ITGAM: variants seen among roughly 807,000 people sequenced by gnomAD.
The protein encoded by ITGAM is integrin alpha-M.
Under a neutral mutation model 137.5 loss-of-function variants are expected in ITGAM, and 79 were observed. The observed-to-expected ratio is 0.57, with a 90% CI of 0.48 to 0.69. The LOEUF is 0.69. Ranked by LOEUF, ITGAM falls within the 30% of genes least tolerant of loss-of-function variation. The probability of loss-of-function intolerance (pLI) is 0.00; values close to 1 mark genes in which losing one functional copy is unlikely to be tolerated. For synonymous variants in ITGAM, 583 were observed against 592.3 expected (o/e 0.98, Z 0.23); for missense variants, 1,343 against 1,483.5 (o/e 0.91, Z 1.56).
chr16:31,291,729 TA>T (rs969914750), intron 12 of ITGAM, among the ~76,000 whole-genome samples: 4 of 150,364 alleles, frequency 2.7e-5, no homozygotes, highest in African/African-American at 7.3e-5. Flanking sequence ...GTGTAGGAGC[TA>T]AAAAAAAATG....
chr16:31,331,893 ACATGTGTGCGTGTGCGTG>A lies in ITGAM; in HGVS notation c.*193_*210del, dbSNP rs1024556766. 2.2e-5 allele frequency: 12 copies of A among 552,342 alleles called. No homozygotes were observed. Among genetic ancestry groups the A allele is most frequent in the Non-Finnish European group, 3.5e-5 (11 of 313,946 alleles). The allele number at this position is 552,342 out of a possible 1,614,324, so 34.2% of individuals were successfully genotyped here. ...CAAGTGTCTGTGTGCAAGTGTGTGC[ACATGTGTGCGTGTGCGTG>A]CATGTGCACTTGCACGCCCATGTGT... On this transcript the variant is annotated 3_prime_UTR_variant, in exon 30 of 30. Transcript: ENST00000544665.
intron 23 of ITGAM, chr16:31,328,864 A>C: frequency 5.5e-6 from 2 of 361,616 alleles, no homozygotes; most frequent in Non-Finnish European, 5.1e-6. Flanking sequence ...GTGAGGGTCT[A>C]TGTGCATGTA....
At chr16:31,273,677 G>A (rs1395209676) in intron 8 of ITGAM, 159 bp downstream of exon 8, 6 of 660,444 alleles carry the variant, frequency 9.1e-6, no homozygotes, top group East Asian at 3.0e-5. Flanking sequence ...TCAATGCTGT[G>A]TAATAAACTA....
chr16:31,317,054 T>G (rs1038787650), intron 14 of ITGAM, among the ~76,000 whole-genome samples: 2 of 152,202 alleles, frequency 1.3e-5, no homozygotes, highest in Non-Finnish European at 2.9e-5. Context: ...AGGGACAATT[T>G]TTTTTTCTTT....
chr16:31,329,413 C>T (rs1416288529), intron 24 of ITGAM, 110 bp downstream of exon 24: 14 of 825,472 alleles, frequency 1.7e-5, no homozygotes, highest in Non-Finnish European at 2.7e-5. Context: ...TGTGGTGTGC[C>T]AGGCTTGGTT....
At chr16:31,315,921 G>A (rs1262834805) in intron 14 of ITGAM, among the ~76,000 whole-genome samples, 5 of 151,762 alleles carry the variant, frequency 3.3e-5, no homozygotes, top group South Asian at 2.1e-4. Flanking sequence ...TTGGCCGGGC[G>A]CGGTGGCTCA....
chr16:31,294,496 G>T (rs1274351221), intron 12 of ITGAM, among the ~76,000 whole-genome samples: 1 of 151,984 alleles, frequency 6.6e-6, no homozygotes, highest in Non-Finnish European at 1.5e-5. Flanking sequence ...TAATCATGTG[G>T]TTTTTGTCTT....
intron 14 of ITGAM, among the ~76,000 whole-genome samples, chr16:31,310,789 G>A (rs1012259237): frequency 2.0e-5 from 3 of 151,970 alleles, no homozygotes; most frequent in African/African-American, 4.8e-5. Context: ...TAGAGTTTCC[G>A]GTTTTTCTGC....
intron 14 of ITGAM, among the ~76,000 whole-genome samples, chr16:31,305,357 A>T (rs1259274296): frequency 6.6e-6 from 1 of 152,132 alleles, no homozygotes; most frequent in Non-Finnish European, 1.5e-5. Context: ...AATCTTTTGG[A>T]TGAGCCTTTA....
chr16:31,280,054 T>C (rs1279389372), intron 12 of ITGAM, among the ~76,000 whole-genome samples: 1 of 152,122 alleles, frequency 6.6e-6, no homozygotes, highest in Non-Finnish European at 1.5e-5. Context: ...TGTAGATGTG[T>C]GGTATTATTT....
chr16:31,286,885 G>A (rs2080034809), intron 12 of ITGAM, among the ~76,000 whole-genome samples: 1 of 152,130 alleles, frequency 6.6e-6, no homozygotes, highest in Non-Finnish European at 1.5e-5. Context: ...TGTTGCAGTT[G>A]CTTTTGAGGG....
chr16:31,319,367 G>T (rs1019903928), intron 14 of ITGAM, among the ~76,000 whole-genome samples: 3 of 151,964 alleles, frequency 2.0e-5, no homozygotes, highest in African/African-American at 7.3e-5. Context: ...GATGTCTGAT[G>T]GGTGTGTATA....
At chr16:31,328,981 T>C in intron 23 of ITGAM, 1 of 589,186 alleles carries the variant, frequency 1.7e-6, no homozygotes, top group African/African-American at 1.9e-5. Flanking sequence ...AGGGTCTGTG[T>C]GCATGTGTGT....
rs1242536389 is a variant in ITGAM at position 31,331,736 on chromosome 16, G to T, written c.*29G>T. 3 of 1,551,804 alleles carry T rather than the reference G, an allele frequency of 1.9e-6. No homozygotes were observed. The highest frequency in any genetic ancestry group is 2.6e-6 in the Non-Finnish European group (3 of 1,143,004). On this transcript the variant is annotated 3_prime_UTR_variant, in exon 30 of 30. Coordinates refer to ENST00000544665, the MANE Select transcript of ITGAM (RefSeq NM_000632.4). ...CTCCTTCCCGACAGAGCTGCCTCTC[G>T]GTGGCCAGCAGGACTCTGCCCAGAC...
At chr16:31,282,993 G>T (rs1351004639) in intron 12 of ITGAM, among the ~76,000 whole-genome samples, 2 of 152,162 alleles carry the variant, frequency 1.3e-5, no homozygotes, top group African/African-American at 2.4e-5. Context: ...AGTTTGGCTG[G>T]ATATGAAGTT....
At chr16:31,302,864 C>T (rs1428798251) in intron 14 of ITGAM, among the ~76,000 whole-genome samples, 1 of 151,306 alleles carries the variant, frequency 6.6e-6, no homozygotes, top group Non-Finnish European at 1.5e-5. Context: ...TTCTTTCTTT[C>T]TCTCTCTCTC....
chr16:31,330,031 G>T (rs763958738), intron 25 of ITGAM, 50 bp from the exon 26 acceptor site: 1 of 1,577,542 alleles, frequency 6.3e-7, no homozygotes, highest in Admixed American at 1.8e-5. Context: ...CCCGAGATGA[G>T]GCCCTGGCGC....
intron 21 of ITGAM, among the ~76,000 whole-genome samples, chr16:31,325,855 C>CGA (rs747834066): frequency 6.6e-6 from 1 of 152,116 alleles, no homozygotes; most frequent in Non-Finnish European, 1.5e-5. Flanking sequence ...CGCTTGAGCC[C>CGA]GAGAGTTTGA....
intron 5 of ITGAM, among the ~76,000 whole-genome samples, chr16:31,270,699 G>GTA (rs869206231): frequency 0.019 from 483 of 25,894 alleles, 19 homozygotes; most frequent in Middle Eastern, 0.077. Flanking sequence ...GTGTGTGTGT[G>GTA]TATATATATA....
Sources: gnomAD v4.1 joint callset for allele counts (sites outside exome capture counted in the v4.1 genomes callset) on GRCh38, gnomAD v4.1.1 for gene constraint, MANE v1.5 for transcripts, NCBI Gene and HGNC (gene_info 2026-07-23, HGNC 2026-07-21) for gene names.